CEP192: variants seen among roughly 807,000 people sequenced by gnomAD.
CEP192 encodes the protein centrosomal protein 192.
In CEP192, 151 loss-of-function variants were observed where a neutral mutation model predicts 271.8. That is an observed-to-expected ratio of 0.56 (90% confidence interval 0.49 to 0.64). The LOEUF is 0.64. Among genes scored for constraint, CEP192 ranks in the 30% least tolerant of loss-of-function variants. The pLI, the probability that CEP192 is intolerant of heterozygous loss-of-function variation, is 0.00. For missense variants in CEP192, 2,910 were observed against 3,020.5 expected (o/e 0.96, Z 0.86); for synonymous variants, 995 against 1,076.5 (o/e 0.92, Z 1.48).
At chr18:12,998,234 G>A (rs2033384032) in intron 1 of CEP192, among the ~76,000 whole-genome samples, 1 of 152,020 alleles carries the variant, frequency 6.6e-6, no homozygotes. Context: ...TTCTTTGTTG[G>A]TTGCAGAGTA....
At chr18:13,055,704 G>A (rs561015979) in intron 18 of CEP192, 76 bp from the exon 19 acceptor site, 2 of 1,061,680 alleles carry the variant, frequency 1.9e-6, no homozygotes, top group East Asian at 5.0e-5. Flanking sequence ...TGTTACTTGA[G>A]CTTTTGCCAG....
At chr18:13,124,498 T>C in intron 44 of CEP192, 134 bp from the exon 45 acceptor site, 1 of 715,388 alleles carries the variant, frequency 1.4e-6, no homozygotes, top group Non-Finnish European at 2.1e-6. Flanking sequence ...ATCCAAGAAA[T>C]CATAAATACA....
In CEP192 at chr18:13,029,936, A is replaced by G; in HGVS notation, c.1324A>G (p.Ile442Val). 6.4e-7 allele frequency: 1 copy of G among 1,551,726 alleles called. No homozygotes were observed. The highest frequency in any genetic ancestry group is 8.7e-7 in the Non-Finnish European group (1 of 1,146,962). ...SDSGINFTDAIWSPTCERRTC... is the reference protein window; with the variant it reads ...SDSGINFTDAVWSPTCERRTC... ...CAGTGGAATTAATTTCACTGATGCC[A>G]TTTGGTCACCAACTTGTGAAAGGCG... is the stretch of plus-strand genomic sequence containing the variant. The change falls in exon 10 of 45, where the codon ATT becomes GTT. Residue 442 changes from isoleucine (I) to valine (V), a missense_variant. Physicochemically the swap from Ile to Val is conservative, Grantham distance 29 (BLOSUM62 3). Transcript: ENST00000506447.
chr18:13,031,716 G>A (rs2035643263), intron 11 of CEP192, among the ~76,000 whole-genome samples: 1 of 152,156 alleles, frequency 6.6e-6, no homozygotes. Flanking sequence ...AGACAAGAAT[G>A]CAGTACACAG....
In CEP192 at chr18:13,071,278, T is replaced by C. The variant is rs1021981004; in HGVS notation, c.5348+66T>C. On this transcript the variant is annotated intron_variant, in intron 28 of 44. Transcript: ENST00000506447. ...TATTTTGGAGCAGACTACAAATTAATGTTTGCAGGAAAATTTTGTCATAAT... is the reference window on the plus strand; with the variant it reads ...TATTTTGGAGCAGACTACAAATTAACGTTTGCAGGAAAATTTTGTCATAAT... 32 of 1,403,858 alleles carry C rather than the reference T, an allele frequency of 2.3e-5. No homozygotes were observed. The East Asian group carries it at 7.2e-4, about 32-fold the overall frequency. 87.0% of individuals were successfully genotyped at this position (1,403,858 alleles called of 1,614,324 possible). A position where few individuals can be genotyped will look rare whatever the true frequency, so the allele number is the denominator to read the frequency against.
rs561571332 is a variant in CEP192 at position 13,102,899 on chromosome 18, G to A, written c.6872-610G>A. ...TGGCGCCTGCTTGGCTTCCACATGT[G>A]GGCATCTCATGGGCACATCAGATGT... is the stretch of plus-strand genomic sequence containing the variant. On this transcript the variant is annotated intron_variant, in intron 38 of 44. Transcript: ENST00000506447. 8.7e-4 allele frequency among the ~76,000 whole-genome samples: 133 copies of A among 152,284 alleles called. 1 individual carries two copies. Among genetic ancestry groups the A allele is most frequent in the Non-Finnish European group, 9.1e-4 (62 of 68,036 alleles).
chr18:13,017,497 CCTT>C (rs1490219061), intron 7 of CEP192, among the ~76,000 whole-genome samples, 161 bp downstream of exon 7: 3 of 152,150 alleles, frequency 2.0e-5, no homozygotes, highest in African/African-American at 7.2e-5. Context: ...ACCCTTTCTT[CCTT>C]CTTGGTACCT....
intron 40 of CEP192, 67 bp downstream of exon 40, chr18:13,105,146 C>T: frequency 9.1e-7 from 1 of 1,096,956 alleles, no homozygotes; most frequent in South Asian, 1.3e-5. Flanking sequence ...CATTGGATTC[C>T]ACCCATTTAG....
At chr18:13,091,183 G>A (rs571168601) in intron 33 of CEP192, among the ~76,000 whole-genome samples, 3 of 152,226 alleles carry the variant, frequency 2.0e-5, no homozygotes, top group African/African-American at 7.2e-5. Context: ...TTGGCAAGGT[G>A]AAGATGAGAC....
Position 13,042,228 on chromosome 18 carries a change from C to A in CEP192, c.1961C>A (p.Ala654Glu). ...YSGDLNEQSQ[A>E]QLSEGSITLQ... ...GGAGATTTAAATGAACAGTCCCAGGCACAGCTAAGTGAAGGATCAATTACA... is the reference window on the plus strand; with the variant it reads ...GGAGATTTAAATGAACAGTCCCAGGAACAGCTAAGTGAAGGATCAATTACA... Residue 654 changes from alanine to glutamate, a missense_variant, in exon 15 of 45, where the codon GCA (alanine) becomes GAA (glutamate). By Grantham distance (107) the Ala-to-Glu change is moderately radical. Transcript: ENST00000506447. 2.5e-6 allele frequency: 4 copies of A among 1,612,698 alleles called. No individual in the cohort carries two copies. Among genetic ancestry groups the A allele is most frequent in the Non-Finnish European group, 3.4e-6 (4 of 1,178,752 alleles).
intron 21 of CEP192, among the ~76,000 whole-genome samples, chr18:13,066,506 T>C (rs1568364269): frequency 6.6e-6 from 1 of 152,226 alleles, no homozygotes; most frequent in Non-Finnish European, 1.5e-5. Flanking sequence ...AATCCAATGA[T>C]GTGTCCTAGT....
chr18:13,015,747 A>ATT (rs1165782893), intron 6 of CEP192, among the ~76,000 whole-genome samples: 8 of 143,134 alleles, frequency 5.6e-5, no homozygotes, highest in Admixed American at 2.1e-4. Flanking sequence ...GAACCATGAA[A>ATT]TTTTTTTTTT....
chr18:13,044,873 T>G (rs1425550097), intron 15 of CEP192, among the ~76,000 whole-genome samples: 3 of 152,174 alleles, frequency 2.0e-5, no homozygotes, highest in African/African-American at 4.8e-5. Context: ...TAGAATACAT[T>G]GGTGAAATCA....
intron 15 of CEP192, among the ~76,000 whole-genome samples, chr18:13,044,265 T>C (rs1478825677): frequency 6.6e-6 from 1 of 152,190 alleles, no homozygotes; most frequent in Non-Finnish European, 1.5e-5. Flanking sequence ...AAGTTTTATT[T>C]CTTCATTTTT....
chr18:13,087,466 G>T, intron 31 of CEP192, 65 bp from the exon 32 acceptor site: 1 of 989,586 alleles, frequency 1.0e-6, no homozygotes, highest in South Asian at 1.8e-5. Flanking sequence ...TAAGATTGTT[G>T]AATCAGATTG....
intron 11 of CEP192, among the ~76,000 whole-genome samples, chr18:13,036,412 G>T (rs2035920246): frequency 6.6e-6 from 1 of 152,238 alleles, no homozygotes; most frequent in East Asian, 1.9e-4. Context: ...TTTGGGCCAT[G>T]AGTGGACTGT....
chr18:13,102,746 A>G (rs1214476864), intron 38 of CEP192, among the ~76,000 whole-genome samples: 1 of 152,034 alleles, frequency 6.6e-6, no homozygotes, highest in East Asian at 1.9e-4. Context: ...CCTGGTTTCT[A>G]AAGACTGGCA....
Position 13,008,927 on chromosome 18 carries a change from C to T in CEP192, c.466+296C>T, listed in dbSNP as rs187123024. On this transcript the variant is annotated intron_variant, in intron 4 of 44. Transcript: ENST00000506447. ...TTCGCCATGTTGCCCAGGCTGGGCTCGAACGCCTGGACTCAAATGATCTGC... is the reference window on the plus strand; with the variant it reads ...TTCGCCATGTTGCCCAGGCTGGGCTTGAACGCCTGGACTCAAATGATCTGC... 3.7e-4 allele frequency among the ~76,000 whole-genome samples: 56 copies of T among 151,276 alleles called. 1 individual carries two copies. Among genetic ancestry groups the T allele is most frequent in the Admixed American group, 2.7e-3 (41 of 15,230 alleles).
In CEP192 at chr18:13,071,181, G is replaced by A; in HGVS notation, c.5317G>A (p.Ala1773Thr). 2.5e-6 allele frequency: 4 copies of A among 1,614,068 alleles called. No homozygotes were observed. The highest frequency in any genetic ancestry group is 3.4e-6 in the Non-Finnish European group (4 of 1,179,974). ...PSILSNKQFL[A>T]WGGVPLGRTQ... is the part of the protein sequence containing the mutation. The stretch of plus-strand genomic sequence containing the variant: ...GATTTTGTCCAACAAACAATTTCTG[G>A]CTTGGGGAGGAGTCCCTCTAGGTAG... The change falls in exon 28 of 45, where the codon GCT becomes ACT. Residue 1773 changes from alanine to threonine, a missense_variant. Ala to Thr is a moderately conservative substitution (Grantham distance 58). Transcript: ENST00000506447.
Sources: gnomAD v4.1 joint callset for allele counts (sites outside exome capture counted in the v4.1 genomes callset) on GRCh38, gnomAD v4.1.1 for gene constraint, MANE v1.5 for transcripts, NCBI Gene and HGNC (gene_info 2026-07-23, HGNC 2026-07-21) for gene names.